TMEFF2: variants seen among roughly 807,000 people sequenced by gnomAD.
TMEFF2 encodes the protein transmembrane protein with EGF like and two follistatin like domains 2.
In TMEFF2, 28 loss-of-function variants were observed where a neutral mutation model predicts 53.8. That is an observed-to-expected ratio of 0.52 (90% CI 0.39 to 0.71). The LOEUF is 0.71. TMEFF2 is among the 30% of genes least tolerant of loss of function. The pLI, the probability that TMEFF2 is intolerant of heterozygous loss-of-function variation, is 0.00. For synonymous variants in TMEFF2, 162 were observed against 166.3 expected (o/e 0.97, Z 0.20); for missense variants, 353 against 455.2 (o/e 0.78, Z 2.04).
At chr2:192,063,702 T>C (rs564444438) in intron 4 of TMEFF2, among the ~76,000 whole-genome samples, 26 of 151,782 alleles carry the variant, frequency 1.7e-4, no homozygotes, top group African/African-American at 6.3e-4. Context: ...TCTTTTGTTT[T>C]GTCAGTTTTT....
chr2:191,971,593 G>A (rs933943254), intron 7 of TMEFF2, among the ~76,000 whole-genome samples: 3 of 152,056 alleles, frequency 2.0e-5, no homozygotes, highest in African/African-American at 7.2e-5. Context: ...ATCCAGAGAA[G>A]GTAACAAACA....
intron 4 of TMEFF2, among the ~76,000 whole-genome samples, chr2:192,161,833 G>A (rs1354683759): frequency 1.3e-5 from 2 of 152,156 alleles, no homozygotes; most frequent in African/African-American, 2.4e-5. Context: ...TAAAGCATAA[G>A]GAACAAGCAA....
intron 5 of TMEFF2, among the ~76,000 whole-genome samples, chr2:192,039,097 G>A (rs1687409961): frequency 6.6e-6 from 1 of 151,886 alleles, no homozygotes; most frequent in African/African-American, 2.4e-5. Context: ...TTGAAATGGT[G>A]TCTTGGTTTA....
chr2:192,168,199 T>A (rs766333119), intron 4 of TMEFF2, among the ~76,000 whole-genome samples: 1 of 152,120 alleles, frequency 6.6e-6, no homozygotes, highest in Non-Finnish European at 1.5e-5. Flanking sequence ...ACTTTCTAGA[T>A]ATGAGGAATT....
intron 5 of TMEFF2, among the ~76,000 whole-genome samples, chr2:192,025,002 A>C (rs959146151): frequency 1.3e-5 from 2 of 152,176 alleles, no homozygotes; most frequent in African/African-American, 4.8e-5. Flanking sequence ...GGAATGAATG[A>C]GGTATACTGT....
chr2:192,184,488 G>A lies in TMEFF2; in HGVS notation c.283-5C>T, dbSNP rs1691265008. 7 of 1,612,984 alleles carry A rather than the reference G, an allele frequency of 4.3e-6. No individual in the cohort carries two copies. The highest frequency in any genetic ancestry group is 5.9e-6 in the Non-Finnish European group (7 of 1,179,336). On this transcript the variant is annotated splice_polypyrimidine_tract_variant and splice_region_variant and intron_variant, in intron 2 of 9. Coordinates refer to ENST00000272771, the MANE Select transcript of TMEFF2 (RefSeq NM_016192.4). ...AGGCACATAGTCATTGTTGCACTGG[G>A]AAACACACAGATGTAAGCCTATAGT...
At chr2:191,992,032 AG>A (rs1326831634) in intron 7 of TMEFF2, among the ~76,000 whole-genome samples, 1 of 152,126 alleles carries the variant, frequency 6.6e-6, no homozygotes, top group African/African-American at 2.4e-5. Context: ...TGTAAATCCC[AG>A]AGGGGAAAAT....
chr2:191,976,759 G>A (rs1444751170), intron 7 of TMEFF2, among the ~76,000 whole-genome samples: 7 of 152,194 alleles, frequency 4.6e-5, no homozygotes, highest in East Asian at 1.9e-4. Context: ...CCCAGACTCC[G>A]GGTGGAAGGT....
chr2:192,161,425 T>A (rs1266663155), intron 4 of TMEFF2, among the ~76,000 whole-genome samples: 1 of 152,092 alleles, frequency 6.6e-6, no homozygotes, highest in African/African-American at 2.4e-5. Flanking sequence ...AGTGTTGGGA[T>A]TACAGGCATG....
chr2:191,953,331 A>C (rs1259915535), intron 9 of TMEFF2, among the ~76,000 whole-genome samples: 1 of 152,224 alleles, frequency 6.6e-6, no homozygotes, highest in Admixed American at 6.5e-5. Context: ...ACTGAAAACT[A>C]TTTTGTCATC....
At chr2:192,063,983 A>AC (rs1395948606) in intron 4 of TMEFF2, among the ~76,000 whole-genome samples, 1 of 151,654 alleles carries the variant, frequency 6.6e-6, no homozygotes. Flanking sequence ...TAACTTATAA[A>AC]AAAAATCTAG....
intron 4 of TMEFF2, among the ~76,000 whole-genome samples, chr2:192,132,432 A>G (rs898508836): frequency 1.2e-4 from 19 of 152,120 alleles, no homozygotes; most frequent in African/African-American, 3.9e-4. Flanking sequence ...TCAAAAGGCC[A>G]TCTCATTCTC....
intron 5 of TMEFF2, among the ~76,000 whole-genome samples, chr2:192,055,713 T>C (rs1381345588): frequency 2.2e-5 from 3 of 137,746 alleles, no homozygotes; most frequent in Non-Finnish European, 4.5e-5. Flanking sequence ...AGGCGGAGGT[T>C]GCAGTGAGTT....
At chr2:192,160,391 C>T (rs571981565) in intron 4 of TMEFF2, among the ~76,000 whole-genome samples, 8 of 152,088 alleles carry the variant, frequency 5.3e-5, no homozygotes, top group South Asian at 2.1e-4. Context: ...CAAGAATTGT[C>T]GAAGAATCCA....
intron 4 of TMEFF2, chr2:192,177,716 G>GTGTTT (rs1691080281): frequency 1.3e-5 from 2 of 151,104 alleles, no homozygotes; most frequent in South Asian, 4.2e-4. Context: ...AGAAAATAAA[G>GTGTTT]TGTTTTCCAA....
chr2:192,176,531 G>A lies in TMEFF2; in HGVS notation c.439+3137C>T, dbSNP rs145065557. Among the ~76,000 whole-genome samples the A allele has an allele frequency of 6.8e-4, 103 of 151,312 alleles. 2 individuals are homozygous for A. The highest frequency in any genetic ancestry group is 2.5e-3 in the African/African-American group (102 of 41,416). ...TTCCTTTAGGAGAGAATGCATCTTT[G>A]TGGGTCATGTTGGAAGCACAGTAAA... On this transcript the variant is annotated intron_variant, in intron 4 of 9. Transcript: ENST00000272771.
intron 4 of TMEFF2, among the ~76,000 whole-genome samples, chr2:192,136,378 CT>C (rs1690008271): frequency 6.6e-6 from 1 of 152,134 alleles, no homozygotes. Context: ...ATTCAGCTTC[CT>C]TATCTCTTGC....
intron 4 of TMEFF2, among the ~76,000 whole-genome samples, chr2:192,159,609 A>G (rs1270545403): frequency 6.6e-6 from 1 of 152,180 alleles, no homozygotes; most frequent in Non-Finnish European, 1.5e-5. Flanking sequence ...AATACAAAAA[A>G]CTGTCATAGT....
chr2:191,957,078 T>C (rs1425729256), intron 7 of TMEFF2, among the ~76,000 whole-genome samples: 1 of 152,220 alleles, frequency 6.6e-6, no homozygotes, highest in Non-Finnish European at 1.5e-5. Context: ...AACCTAAACT[T>C]ACGATAACGA....
Sources: allele counts gnomAD v4.1 joint callset (sites outside exome capture counted in the v4.1 genomes callset), GRCh38; gene constraint gnomAD v4.1.1; transcripts MANE v1.5; gene names NCBI Gene and HGNC (gene_info 2026-07-23, HGNC 2026-07-21).